Variants in FAM107B observed in about 807,000 individuals in gnomAD.
FAM107B encodes the protein family with sequence similarity 107 member B.
FAM107B carries 21 observed loss-of-function variants against 31.5 expected under a neutral mutation model. The observed-to-expected ratio is 0.67, with a 90% CI of 0.47 to 0.96. The LOEUF (loss-of-function observed/expected upper bound fraction) is 0.96, where lower values mean the gene tolerates loss of function less well. FAM107B is among the 40% of genes least tolerant of loss of function. The pLI, the probability that FAM107B is intolerant of heterozygous loss-of-function variation, is 0.00. For missense variants in FAM107B, 452 were observed against 377.1 expected (o/e 1.20, Z -1.64); for synonymous variants, 157 against 141.5 (o/e 1.11, Z -0.78).
In FAM107B at chr10:14,688,928, G is replaced by A. The variant is rs116413981; in HGVS notation, c.412-21237C>T. ...GATGTATTCTTTGGGACAAGGGGTC[G>A]ATTCTGGGCTAGAAAACCAAAGGAG... On this transcript the variant is annotated intron_variant, in intron 1 of 4. Coordinates refer to ENST00000181796, the MANE Select transcript of FAM107B (RefSeq NM_031453.4). 4.1e-3 allele frequency among the ~76,000 whole-genome samples: 620 copies of A among 152,322 alleles called. 4 individuals are homozygous for A. Among genetic ancestry groups the A allele is most frequent in the African/African-American group, 0.014 (575 of 41,556 alleles).
intron 1 of FAM107B, among the ~76,000 whole-genome samples, chr10:14,752,931 C>CA (rs5783419): frequency 0.22 from 30,792 of 142,664 alleles, 3,845 homozygotes; most frequent in Middle Eastern, 0.43. Context: ...GACCCTGTCT[C>CA]AAAAAAAAAA....
chr10:14,708,220 G>A (rs1352470760), intron 1 of FAM107B, among the ~76,000 whole-genome samples: 1 of 152,172 alleles, frequency 6.6e-6, no homozygotes, highest in African/African-American at 2.4e-5. Flanking sequence ...TGGGATTACA[G>A]GTGCCTGGCA....
rs1382844507 is a variant in FAM107B at position 14,774,843 on chromosome 10, G to A, written c.-180C>T. ...CACCTTCCCTGAGAGTCACTTAGCC[G>A]CTGGGGCCCCTTTGAAAGTGTCCAT... On this transcript the variant is annotated 5_prime_UTR_variant, in exon 1 of 5. Coordinates refer to ENST00000181796, the MANE Select transcript of FAM107B (RefSeq NM_031453.4). The A allele has an allele frequency of 4.7e-5, 32 of 678,910 alleles. No individual in the cohort carries two copies. The East Asian group carries it at 5.8e-4, about 12-fold the overall frequency. The allele number at this position is 678,910 out of a possible 1,614,324, so 42.1% of individuals were successfully genotyped here.
chr10:14,550,501 G>A (rs932852318), intron 2 of FAM107B, among the ~76,000 whole-genome samples: 1 of 152,206 alleles, frequency 6.6e-6, no homozygotes, highest in African/African-American at 2.4e-5. Context: ...TTTGCCCAAA[G>A]TCTCAACACA....
At chr10:14,710,368 A>G (rs1855613763) in intron 1 of FAM107B, among the ~76,000 whole-genome samples, 1 of 151,872 alleles carries the variant, frequency 6.6e-6, no homozygotes, top group African/African-American at 2.4e-5. Flanking sequence ...CTACGATTGC[A>G]CCACTATACT....
At chr10:14,692,651 C>T (rs1481966515) in intron 1 of FAM107B, among the ~76,000 whole-genome samples, 1 of 152,106 alleles carries the variant, frequency 6.6e-6, no homozygotes, top group East Asian at 1.9e-4. Context: ...ATGGTGTCCC[C>T]GTGTACTCTC....
chr10:14,566,826 T>A (rs1458951831), intron 2 of FAM107B, among the ~76,000 whole-genome samples: 1 of 152,178 alleles, frequency 6.6e-6, no homozygotes, highest in African/African-American at 2.4e-5. Flanking sequence ...TTGTAAATGC[T>A]CATGAGAAGG....
intron 1 of FAM107B, among the ~76,000 whole-genome samples, chr10:14,761,191 TC>T (rs1485391920): frequency 6.6e-6 from 1 of 152,162 alleles, no homozygotes; most frequent in East Asian, 1.9e-4. Flanking sequence ...GTTAAAGTCT[TC>T]ATTCATTTCT....
chr10:14,736,135 T>C (rs1037227036), intron 1 of FAM107B, among the ~76,000 whole-genome samples: 3 of 152,124 alleles, frequency 2.0e-5, no homozygotes, highest in South Asian at 2.1e-4. Context: ...TAAAACAGCA[T>C]GTACCTCCAG....
At chr10:14,664,293 A>G (rs558792696) in intron 2 of FAM107B, among the ~76,000 whole-genome samples, 1 of 152,222 alleles carries the variant, frequency 6.6e-6, no homozygotes, top group African/African-American at 2.4e-5. Flanking sequence ...TTTCTCTATA[A>G]CTCACATTTT....
intron 2 of FAM107B, among the ~76,000 whole-genome samples, chr10:14,579,962 CA>C (rs987901701): frequency 8.0e-5 from 12 of 150,616 alleles, no homozygotes; most frequent in East Asian, 3.9e-4. Context: ...GCAGAAGTTG[CA>C]GTGAGCTGAG....
chr10:14,632,109 C>T (rs1231588167), intron 2 of FAM107B, among the ~76,000 whole-genome samples: 4 of 150,190 alleles, frequency 2.7e-5, no homozygotes, highest in South Asian at 4.2e-4. Context: ...CCAGCCTGGC[C>T]AACATTGGTG....
intron 1 of FAM107B, among the ~76,000 whole-genome samples, chr10:14,756,711 C>T (rs1390515436): frequency 7.9e-5 from 12 of 152,220 alleles, no homozygotes; most frequent in South Asian, 6.2e-4. Context: ...GGCATGCATG[C>T]GTATGTTTAT....
intron 1 of FAM107B, among the ~76,000 whole-genome samples, chr10:14,759,201 T>A (rs965569907): frequency 5.3e-5 from 8 of 151,158 alleles, no homozygotes; most frequent in Admixed American, 4.6e-4. Context: ...AATAAATAAA[T>A]AAATAAATAA....
chr10:14,721,230 T>A (rs1168654093), intron 1 of FAM107B, among the ~76,000 whole-genome samples: 3 of 152,264 alleles, frequency 2.0e-5, no homozygotes, highest in South Asian at 2.1e-4. Context: ...ACATTTTTTT[T>A]AATCCAGTCT....
intron 2 of FAM107B, among the ~76,000 whole-genome samples, chr10:14,587,967 C>T (rs1412590901): frequency 2.0e-5 from 3 of 152,186 alleles, no homozygotes; most frequent in African/African-American, 7.2e-5. Flanking sequence ...ACCAGTGTGA[C>T]ACCCTTGAGA....
Position 14,571,771 on chromosome 10 carries a change from T to C in FAM107B, c.470-41256A>G, listed in dbSNP as rs577809966. Reference sequence around the variant, plus strand: ...CCAGTGTTTATTCTTACCTCAGATATCTATTTTCTTGTTTATGTTTTAATC... The same window carrying C: ...CCAGTGTTTATTCTTACCTCAGATACCTATTTTCTTGTTTATGTTTTAATC... On this transcript the variant is annotated intron_variant, in intron 2 of 4. Coordinates refer to ENST00000181796, the MANE Select transcript of FAM107B (RefSeq NM_031453.4). The C allele has an allele frequency of 5.6e-5, 55 of 985,304 alleles. 1 individual carries two copies. The African/African-American group carries it at 7.3e-4, about 13-fold the overall frequency. 61.0% of individuals were successfully genotyped at this position (985,304 alleles called of 1,614,324 possible). A position where few individuals can be genotyped will look rare whatever the true frequency, so the allele number is the denominator to read the frequency against.
chr10:14,564,614 T>TC (rs143979810), intron 2 of FAM107B, among the ~76,000 whole-genome samples: 2,829 of 152,194 alleles, frequency 0.019, 89 homozygotes, highest in African/African-American at 0.064. Flanking sequence ...TGGTTAATCA[T>TC]CACCTATTTT....
chr10:14,669,814 G>C (rs1854499775), intron 1 of FAM107B, among the ~76,000 whole-genome samples: 1 of 152,164 alleles, frequency 6.6e-6, no homozygotes, highest in Non-Finnish European at 1.5e-5. Context: ...GTTGGTTAAT[G>C]GTTACAAACA....
Sources: gnomAD v4.1 joint callset for allele counts (sites outside exome capture counted in the v4.1 genomes callset) on GRCh38, gnomAD v4.1.1 for gene constraint, MANE v1.5 for transcripts, NCBI Gene and HGNC (gene_info 2026-07-23, HGNC 2026-07-21) for gene names.